The following ARHGAP17 variants were observed in gnomAD, a reference collection of about 807,000 sequenced individuals.
The protein encoded by ARHGAP17 is Rho GTPase activating protein 17, also known as rho GTPase-activating protein 17.
Under a neutral mutation model 99.5 loss-of-function variants are expected in ARHGAP17, and 57 were observed. The ratio of observed to expected loss-of-function variants is 0.57; its 90% CI spans 0.46 to 0.71. ARHGAP17 has a LOEUF of 0.71. Among genes scored for constraint, ARHGAP17 ranks in the 30% least tolerant of loss-of-function variants. The probability of loss-of-function intolerance (pLI) is 0.00; values close to 1 mark genes in which losing one functional copy is unlikely to be tolerated. For missense variants in ARHGAP17, 1,000 were observed against 1,122.4 expected, an observed-to-expected ratio of 0.89 and a Z score of 1.56; for synonymous variants, 417 against 429.6, an observed-to-expected ratio of 0.97 and a Z score of 0.36.
intron 18 of ARHGAP17, among the ~76,000 whole-genome samples, chr16:24,933,592 T>C (rs1166331479): frequency 6.6e-6 from 1 of 152,138 alleles, no homozygotes; most frequent in Non-Finnish European, 1.5e-5. Context: ...CAGCTTACAT[T>C]AGCTGTACTC....
rs2052372349 is a variant in ARHGAP17 at position 24,971,821 on chromosome 16, A to G, written c.199-1241T>C. 2.0e-5 allele frequency among the ~76,000 whole-genome samples: 3 copies of G among 152,164 alleles called. No individual in the cohort carries two copies. In the South Asian group the frequency reaches 6.2e-4, roughly 32 times the overall value. On this transcript the variant is annotated intron_variant, in intron 3 of 19. Transcript: ENST00000289968. The stretch of plus-strand genomic sequence containing the variant: ...AATGTTATAATCATACAGTCAAGGA[A>G]CCCAAAGCCGAAGGAGGTCAAGTGG...
intron 1 of ARHGAP17, among the ~76,000 whole-genome samples, chr16:25,013,610 A>G (rs2053702109): frequency 6.6e-6 from 1 of 151,806 alleles, no homozygotes; most frequent in South Asian, 2.1e-4. Context: ...TGACAAAGGG[A>G]GACCCTGTCT....
chr16:24,946,437 C>T (rs750085771), intron 14 of ARHGAP17, among the ~76,000 whole-genome samples: 7 of 151,524 alleles, frequency 4.6e-5, no homozygotes, highest in Non-Finnish European at 1.0e-4. Flanking sequence ...AGCTCCAGTG[C>T]CATTCCCTAA....
intron 14 of ARHGAP17, among the ~76,000 whole-genome samples, chr16:24,945,534 G>C (rs751154958): frequency 6.6e-6 from 1 of 152,028 alleles, no homozygotes; most frequent in Non-Finnish European, 1.5e-5. Flanking sequence ...CCTACATGAG[G>C]ACACTGGGTT....
intron 19 of ARHGAP17, among the ~76,000 whole-genome samples, chr16:24,926,333 T>G (rs2152440703): frequency 6.6e-6 from 1 of 152,176 alleles, no homozygotes; most frequent in African/African-American, 2.4e-5. Context: ...CGATCTCAGC[T>G]CACTGCGACC....
chr16:25,002,736 T>C (rs76689424), intron 1 of ARHGAP17, among the ~76,000 whole-genome samples: 3,532 of 152,236 alleles, frequency 0.023, 143 homozygotes, highest in African/African-American at 0.08. Context: ...GCAAAAGCAA[T>C]GGGAGTATTA....
chr16:24,974,159 G>A (rs559249599), intron 3 of ARHGAP17, among the ~76,000 whole-genome samples: 40 of 152,352 alleles, frequency 2.6e-4, no homozygotes, highest in Middle Eastern at 3.4e-3. Context: ...GGCCAGGCAC[G>A]GAGGCTCACG....
chr16:25,010,624 T>A (rs1251195698), intron 1 of ARHGAP17, among the ~76,000 whole-genome samples: 1 of 152,190 alleles, frequency 6.6e-6, no homozygotes, highest in Non-Finnish European at 1.5e-5. Flanking sequence ...TCTGAGTCCT[T>A]CTAGACAAGC....
chr16:24,930,572 C>T (rs2050954040), intron 19 of ARHGAP17: 2 of 889,320 alleles, frequency 2.2e-6, no homozygotes, highest in Non-Finnish European at 3.7e-6. Context: ...GCTGTTTCAG[C>T]ACCAATGCAG....
rs755936933 is a variant in ARHGAP17, at chr16:24,952,954, T to C, written c.941A>G (p.Tyr314Cys). ...DCSTSHLDEF[Y>C]SDPHAVAGAL... ...ACCTGCTACAGCATGGGGGTCTGAATAGAACTCATCCAGGTGAGAAGTAGA... is the reference window on the plus strand; with the variant it reads ...ACCTGCTACAGCATGGGGGTCTGAACAGAACTCATCCAGGTGAGAAGTAGA... The change falls in exon 11 of 20, where the codon TAT (tyrosine) becomes TGT (cysteine). Residue 314 changes from tyrosine (Y) to cysteine (C), a missense_variant. Tyr to Cys is a radical substitution (Grantham distance 194, BLOSUM62 -2). Transcript: ENST00000289968. The C allele has an allele frequency of 9.9e-6, 16 of 1,614,068 alleles. No homozygotes were observed. Among genetic ancestry groups the C allele is most frequent in the Admixed American group, 3.3e-5 (2 of 60,002 alleles).
At chr16:24,959,533 A>T in intron 9 of ARHGAP17, 138 bp downstream of exon 9, 1 of 756,762 alleles carries the variant, frequency 1.3e-6, no homozygotes, top group Non-Finnish European at 2.1e-6. Flanking sequence ...AGATGAAATT[A>T]TGCTGGGAAA....
chr16:24,971,176 T>C (rs1448466511), intron 3 of ARHGAP17, among the ~76,000 whole-genome samples: 1 of 151,922 alleles, frequency 6.6e-6, no homozygotes, highest in East Asian at 1.9e-4. Flanking sequence ...AGCCTGTTCA[T>C]ATTATTATTA....
chr16:24,959,974 T>G lies in ARHGAP17; in HGVS notation c.579A>C (p.Gln193His). The change falls in exon 8 of 20, where the codon CAA (glutamine) becomes CAC (histidine). Residue 193 changes from glutamine to histidine, a missense_variant. This residue lies in a region of ARHGAP17 where 472 missense variants were observed against 611.1 expected (regional missense o/e 0.77). Coordinates refer to ENST00000289968, the MANE Select transcript of ARHGAP17 (RefSeq NM_001006634.3). ...TAAAGTTGTACATGTCTGCTGCAAG[T>G]TGATCCTGGGTAAATGGAAGATAAG... The part of the protein sequence containing the change: ...AGNKVEQCKD[Q>H]LAADMYNFMA... 6.2e-7 allele frequency: 1 copy of G among 1,613,982 alleles called. No homozygotes were observed. The highest frequency in any genetic ancestry group is 8.5e-7 in the Non-Finnish European group (1 of 1,179,940).
intron 15 of ARHGAP17, among the ~76,000 whole-genome samples, 196 bp from the exon 16 acceptor site, chr16:24,942,339 AGG>A (rs2051337849): frequency 6.7e-6 from 1 of 149,892 alleles, no homozygotes; most frequent in Non-Finnish European, 1.5e-5. Flanking sequence ...AGGACAAGAC[AGG>A]GGAAGAAGTA....
At chr16:24,975,970 T>C (rs2052501591) in intron 3 of ARHGAP17, among the ~76,000 whole-genome samples, 2 of 152,026 alleles carry the variant, frequency 1.3e-5, no homozygotes, top group South Asian at 4.2e-4. Context: ...GTATCCTGAT[T>C]TTTCTCAGGG....
intron 9 of ARHGAP17, chr16:24,956,182 C>A (rs756015414): frequency 1.3e-5 from 2 of 152,260 alleles, no homozygotes; most frequent in Admixed American, 1.3e-4. Flanking sequence ...CCCGCCATTG[C>A]CTTCACCACA....
intron 1 of ARHGAP17, among the ~76,000 whole-genome samples, chr16:24,996,041 G>T (rs2053183290): frequency 6.6e-6 from 1 of 151,998 alleles, no homozygotes; most frequent in South Asian, 2.1e-4. Context: ...GTACACCAGG[G>T]ATTTCAGCAC....
In ARHGAP17 at chr16:24,935,457, G is replaced by A. The variant is rs182899466; in HGVS notation, c.1894+13C>T. The stretch of plus-strand genomic sequence containing the variant: ...AGGCTTCCCTGAGGGCAAGGAGGAC[G>A]GTGGCTGCTTACCTCGGCGCAGTGT... On this transcript the variant is annotated intron_variant, in intron 18 of 19. Transcript: ENST00000289968. The A allele has an allele frequency of 2.6e-4, 414 of 1,574,850 alleles. No individual in the cohort carries two copies. Among genetic ancestry groups the A allele is most frequent in the African/African-American group, 7.9e-4 (59 of 74,568 alleles).
At chr16:24,939,273 C>A in intron 17 of ARHGAP17, 91 bp downstream of exon 17, 1 of 1,216,262 alleles carries the variant, frequency 8.2e-7, no homozygotes, top group South Asian at 1.6e-5. Flanking sequence ...TGGAGCAGTT[C>A]TTTGGGCATG....
Sources: gnomAD v4.1 joint callset for allele counts (sites outside exome capture counted in the v4.1 genomes callset) on GRCh38, gnomAD v4.1.1 for gene constraint, gnomAD v4.1.1 regional missense constraint, MANE v1.5 for transcripts, NCBI Gene and HGNC (gene_info 2026-07-23, HGNC 2026-07-21) for gene names.